Variants in NRXN3 observed in about 807,000 individuals in gnomAD.
NRXN3 encodes neurexin 3.
NRXN3 carries 32 observed loss-of-function variants against 137.6 expected under a neutral mutation model. That is an observed-to-expected ratio of 0.23 (90% CI 0.18 to 0.31). NRXN3 has a LOEUF of 0.31. Among genes scored for constraint, NRXN3 ranks in the 10% least tolerant of loss-of-function variants. The pLI, the probability that NRXN3 is intolerant of heterozygous loss-of-function variation, is 1.00. For missense variants in NRXN3, 1,574 were observed against 2,062.5 expected (o/e 0.76, Z 4.59); for synonymous variants, 798 against 784.5 (o/e 1.02, Z -0.29).
intron 15 of NRXN3, among the ~76,000 whole-genome samples, chr14:79,142,157 G>A (rs958691329): frequency 6.6e-5 from 10 of 152,032 alleles, no homozygotes; most frequent in Admixed American, 2.0e-4. Flanking sequence ...GGCCAGGCAC[G>A]GTGGCTCACG....
intron 15 of NRXN3, among the ~76,000 whole-genome samples, chr14:79,361,993 T>TGTA (rs1428203077): frequency 8.9e-6 from 1 of 111,784 alleles, no homozygotes; most frequent in Non-Finnish European, 1.9e-5. Context: ...ATTCTACTTT[T>TGTA]ATAATTATTA....
chr14:79,417,209 C>G (rs2095509585), intron 15 of NRXN3, among the ~76,000 whole-genome samples: 1 of 152,142 alleles, frequency 6.6e-6, no homozygotes, highest in Non-Finnish European at 1.5e-5. Context: ...GTGGCCCTAT[C>G]TTAGCACATC....
chr14:79,116,119 T>C (rs2054391344), intron 15 of NRXN3, among the ~76,000 whole-genome samples: 1 of 152,178 alleles, frequency 6.6e-6, no homozygotes, highest in South Asian at 2.1e-4. Flanking sequence ...TCAATTGCTG[T>C]GGGGACATGG....
At chr14:79,029,425 A>G (rs2099603751) in intron 15 of NRXN3, among the ~76,000 whole-genome samples, 1 of 152,160 alleles carries the variant, frequency 6.6e-6, no homozygotes, top group Non-Finnish European at 1.5e-5. Context: ...CCCGACACCC[A>G]AAAGTCAAGA....
At chr14:79,736,439 A>G (rs1327747093) in intron 19 of NRXN3, among the ~76,000 whole-genome samples, 1 of 152,170 alleles carries the variant, frequency 6.6e-6, no homozygotes, top group African/African-American at 2.4e-5. Context: ...ATGCTTGAAG[A>G]TGGTTTAAGC....
intron 19 of NRXN3, among the ~76,000 whole-genome samples, chr14:79,711,491 A>ATATT (rs1221151017): frequency 1.3e-5 from 2 of 151,600 alleles, no homozygotes; most frequent in African/African-American, 4.8e-5. Flanking sequence ...TCTTATTTAT[A>ATATT]TATTTATTTA....
intron 4 of NRXN3, among the ~76,000 whole-genome samples, chr14:78,440,655 C>T (rs1039620539): frequency 4.6e-5 from 7 of 151,984 alleles, no homozygotes; most frequent in African/African-American, 1.2e-4. Context: ...CAACTATGTT[C>T]GTCCTGTAGG....
rs531456373 is a variant in NRXN3 at position 78,862,619 on chromosome 14, C to T, written c.2275+52275C>T. On this transcript the variant is annotated intron_variant, in intron 10 of 20. Coordinates refer to ENST00000335750, the MANE Select transcript of NRXN3 (RefSeq NM_001330195.2). ...TTGCTGCTTATACAGAATGGTTACC[C>T]GTTTAGTATTTTATCTGTTCAACAA... is the stretch of plus-strand genomic sequence containing the variant. 5.0e-4 allele frequency among the ~76,000 whole-genome samples: 76 copies of T among 152,050 alleles called. 1 individual carries two copies. Among genetic ancestry groups the T allele is most frequent in the Middle Eastern group, 3.4e-3 (1 of 292 alleles).
At chr14:79,400,171 T>C (rs1207667056) in intron 15 of NRXN3, among the ~76,000 whole-genome samples, 1 of 152,214 alleles carries the variant, frequency 6.6e-6, no homozygotes, top group Non-Finnish European at 1.5e-5. Context: ...CAGGGGGACA[T>C]TGTTCAACCC....
chr14:78,669,120 A>T (rs1602169906), intron 6 of NRXN3, among the ~76,000 whole-genome samples: 1 of 151,978 alleles, frequency 6.6e-6, no homozygotes, highest in African/African-American at 2.4e-5. Context: ...AACAAAAGTT[A>T]AAAAAAAATT....
chr14:79,756,882 A>G (rs2099021446), intron 19 of NRXN3, among the ~76,000 whole-genome samples: 1 of 152,208 alleles, frequency 6.6e-6, no homozygotes, highest in Admixed American at 6.6e-5. Flanking sequence ...GAAGGAAAAC[A>G]AAGAATAGAA....
At chr14:78,213,265 C>A (rs1168645166) in intron 1 of NRXN3, among the ~76,000 whole-genome samples, 2 of 113,414 alleles carry the variant, frequency 1.8e-5, no homozygotes, top group Non-Finnish European at 1.8e-5. Context: ...CTTAGGAAGA[C>A]TGATCTGAGA....
In NRXN3 at chr14:79,479,460, A is replaced by G. The variant is rs188379538; in HGVS notation, c.3444+12058A>G. On this transcript the variant is annotated intron_variant, in intron 16 of 20. Coordinates refer to ENST00000335750, the MANE Select transcript of NRXN3 (RefSeq NM_001330195.2). Reference sequence around the variant, plus strand: ...AGAGGACTTAGACTTAATCATTGATATGTTTGTTTTCAGTGTCATAGATAT... The same window carrying G: ...AGAGGACTTAGACTTAATCATTGATGTGTTTGTTTTCAGTGTCATAGATAT... Among the ~76,000 whole-genome samples, 3 of 152,124 alleles carry G rather than the reference A, an allele frequency of 2.0e-5. No homozygotes were observed. The East Asian group carries it at 5.8e-4, about 29-fold the overall frequency.
At chr14:78,648,540 T>G (rs578107253) in intron 5 of NRXN3, among the ~76,000 whole-genome samples, 3 of 152,194 alleles carry the variant, frequency 2.0e-5, no homozygotes, top group African/African-American at 4.8e-5. Flanking sequence ...TTTTGATACA[T>G]TCTATTAATT....
At chr14:79,682,033 C>T (rs1360551885) in intron 17 of NRXN3, among the ~76,000 whole-genome samples, 1 of 151,978 alleles carries the variant, frequency 6.6e-6, no homozygotes, top group Non-Finnish European at 1.5e-5. Context: ...AAATTAAATG[C>T]CCATTAAGAA....
At chr14:78,771,726 A>G (rs1198739259) in intron 8 of NRXN3, among the ~76,000 whole-genome samples, 1 of 152,190 alleles carries the variant, frequency 6.6e-6, no homozygotes, top group Non-Finnish European at 1.5e-5. Flanking sequence ...GGAAGAAGTC[A>G]AGTTTGTTTT....
chr14:79,157,185 A>G (rs1019665859), intron 15 of NRXN3, among the ~76,000 whole-genome samples: 1 of 151,846 alleles, frequency 6.6e-6, no homozygotes, highest in Admixed American at 6.6e-5. Context: ...GGGTCTTAAT[A>G]AAACCTCTTT....
chr14:79,647,804 A>G lies in NRXN3; in HGVS notation c.3445-15974A>G, dbSNP rs112563301. ...CCTTGAGCATCTTCTAGTATGTGCT[A>G]GATGCCTGCATATGTTGTTTTATCC... On this transcript the variant is annotated intron_variant, in intron 16 of 20. Coordinates refer to ENST00000335750, the MANE Select transcript of NRXN3 (RefSeq NM_001330195.2). 6.6e-5 allele frequency among the ~76,000 whole-genome samples: 9 copies of G among 135,800 alleles called. 2 individuals carry two copies. The highest frequency in any genetic ancestry group is 2.2e-4 in the African/African-American group (9 of 40,908). 89.1% of individuals were successfully genotyped at this position (135,800 alleles called of 152,430 possible). A position where few individuals can be genotyped will look rare whatever the true frequency, so the allele number is the denominator to read the frequency against.
At chr14:78,177,363 C>G (rs191035643) in intron 1 of NRXN3, among the ~76,000 whole-genome samples, 148 of 151,844 alleles carry the variant, frequency 9.7e-4, no homozygotes, top group African/African-American at 3.3e-3. Flanking sequence ...ACATTCTAGA[C>G]AAGTATGAAT....
Sources: allele counts gnomAD v4.1 joint callset (sites outside exome capture counted in the v4.1 genomes callset), GRCh38; gene constraint gnomAD v4.1.1; transcripts MANE v1.5; gene names NCBI Gene and HGNC (gene_info 2026-07-23, HGNC 2026-07-21).